CEP192: variants seen among roughly 807,000 people sequenced by gnomAD.
CEP192 encodes the protein centrosomal protein of 192 kDa.
Under a neutral mutation model 271.8 loss-of-function variants are expected in CEP192, and 151 were observed. The ratio of observed to expected loss-of-function variants is 0.56; its 90% CI spans 0.49 to 0.64. CEP192 has a LOEUF of 0.64. Among genes scored for constraint, CEP192 ranks in the 30% least tolerant of loss-of-function variants. The pLI, the probability that CEP192 is intolerant of heterozygous loss-of-function variation, is 0.00. For synonymous variants in CEP192, 995 were observed against 1,076.5 expected (o/e 0.92, Z 1.48); for missense variants, 2,910 against 3,020.5 (o/e 0.96, Z 0.86).
At chr18:13,025,775 G>A (rs2035261893) in intron 9 of CEP192, among the ~76,000 whole-genome samples, 1 of 151,810 alleles carries the variant, frequency 6.6e-6, no homozygotes, top group Admixed American at 6.6e-5. Context: ...TTACATATAA[G>A]TAAATATAAG....
chr18:13,036,702 A>T (rs2035936124), intron 11 of CEP192, among the ~76,000 whole-genome samples: 1 of 152,078 alleles, frequency 6.6e-6, no homozygotes, highest in South Asian at 2.1e-4. Context: ...CCTGAGGTTG[A>T]GTGTGCTTAG....
chr18:13,028,606 G>A (rs954305799), intron 9 of CEP192, among the ~76,000 whole-genome samples: 8 of 152,036 alleles, frequency 5.3e-5, no homozygotes, highest in Non-Finnish European at 1.0e-4. Context: ...TGCAACCTCC[G>A]CCTCCCAGGT....
Position 13,004,821 on chromosome 18 carries a change from G to T in CEP192, c.290+3239G>T, listed in dbSNP as rs377172894. On this transcript the variant is annotated intron_variant, in intron 3 of 44. Transcript: ENST00000506447. ...GCCACATTGAGCTGTAGGAGTGCAG[G>T]TGAAGAGGAGGCAGAGAATTGGATT... Among the ~76,000 whole-genome samples the T allele has an allele frequency of 3.3e-5, 5 of 152,182 alleles. No homozygotes were observed. The South Asian group carries it at 1.0e-3, about 31-fold the overall frequency.
rs1445306249 is a variant in CEP192, at chr18:13,092,508, G to A, written c.6235G>A (p.Ala2079Thr). 1.2e-6 allele frequency: 2 copies of A among 1,607,154 alleles called. No homozygotes were observed. Among genetic ancestry groups the A allele is most frequent in the Non-Finnish European group, 1.7e-6 (2 of 1,177,592 alleles). Residue 2079 changes from alanine to threonine, a missense_variant, in exon 34 of 45, where the codon GCT (alanine) becomes ACT (threonine). Physicochemically the swap from Ala to Thr is moderately conservative, Grantham distance 58. Transcript: ENST00000506447. ...AGAATTCCTTCAGCCTTCTTCCAAA[G>A]CTAGCTTGGAATCTACAAGGTAAAA... ...SREFLQPSSKASLESTSDLGA... is the reference protein window; with the variant it reads ...SREFLQPSSKTSLESTSDLGA...
chr18:13,100,116 CAA>C (rs2039635628), intron 37 of CEP192, among the ~76,000 whole-genome samples, 187 bp from the exon 38 acceptor site: 1 of 152,126 alleles, frequency 6.6e-6, no homozygotes, highest in African/African-American at 2.4e-5. Flanking sequence ...GCTTTAAAAA[CAA>C]AGGTAATGGG....
chr18:13,031,243 G>GTTTT (rs60557979), intron 11 of CEP192, among the ~76,000 whole-genome samples: 282 of 101,622 alleles, frequency 2.8e-3, no homozygotes, highest in African/African-American at 4.0e-3. Context: ...CCTTATTGTT[G>GTTTT]TTTTTTTTTT....
rs1028481498 is a variant in CEP192, at chr18:13,078,423, T to C, written c.5616+5238T>C. On this transcript the variant is annotated intron_variant, in intron 30 of 44. Transcript: ENST00000506447. ...TGCATGTGTCTTTATAGCAGCATGA[T>C]TTATAATCCTTTGGGTATATACCAA... Among the ~76,000 whole-genome samples the C allele has an allele frequency of 2.6e-5, 4 of 152,184 alleles. No individual in the cohort carries two copies. In the East Asian group the frequency reaches 7.7e-4, roughly 29 times the overall value.
chr18:13,031,468 C>T (rs899168500), intron 11 of CEP192, among the ~76,000 whole-genome samples: 3 of 151,868 alleles, frequency 2.0e-5, no homozygotes, highest in South Asian at 2.1e-4. Context: ...GGGATGGTCT[C>T]GATCTCCTGA....
intron 42 of CEP192, among the ~76,000 whole-genome samples, chr18:13,116,007 G>A (rs2040411996): frequency 6.6e-6 from 1 of 152,198 alleles, no homozygotes; most frequent in African/African-American, 2.4e-5. Flanking sequence ...TTGCCTGGAG[G>A]CCACACCTGC....
intron 40 of CEP192, among the ~76,000 whole-genome samples, chr18:13,112,586 A>G (rs2040254936): frequency 6.6e-6 from 1 of 152,170 alleles, no homozygotes; most frequent in Admixed American, 6.5e-5. Flanking sequence ...TTAGGATTTT[A>G]TAGTCCCGTA....
At chr18:12,996,163 G>A (rs2145749404) in intron 1 of CEP192, among the ~76,000 whole-genome samples, 1 of 151,640 alleles carries the variant, frequency 6.6e-6, no homozygotes, top group African/African-American at 2.4e-5. Context: ...ATTGCAGTGA[G>A]TGTCCAGGCA....
chr18:13,036,285 G>A (rs2035913369), intron 11 of CEP192, among the ~76,000 whole-genome samples: 1 of 152,156 alleles, frequency 6.6e-6, no homozygotes, highest in Admixed American at 6.5e-5. Flanking sequence ...AATATCCTGT[G>A]TCTGCTTTTC....
At position 13,109,773 on chromosome 18, in the gene CEP192, A is replaced by T. The variant is rs548556163; in HGVS notation, c.7048-3813A>T. On this transcript the variant is annotated intron_variant, in intron 40 of 44. Coordinates refer to ENST00000506447, the MANE Select transcript of CEP192 (RefSeq NM_032142.4). ...ATCTCCAAAGCTGCTTTTTTGGAAA[A>T]AATAATAATAATAGACAAACCTTTG... 7.2e-5 allele frequency among the ~76,000 whole-genome samples: 11 copies of T among 152,280 alleles called. No homozygotes were observed. The South Asian group carries it at 1.0e-3, about 14-fold the overall frequency.
chr18:13,105,569 T>C (rs1392458644), intron 40 of CEP192, among the ~76,000 whole-genome samples: 1 of 152,240 alleles, frequency 6.6e-6, no homozygotes, highest in Non-Finnish European at 1.5e-5. Context: ...TTCATTCTAA[T>C]TGCCGAAACT....
intron 17 of CEP192, among the ~76,000 whole-genome samples, chr18:13,051,474 A>G (rs1332905906): frequency 6.6e-6 from 1 of 152,146 alleles, no homozygotes; most frequent in Non-Finnish European, 1.5e-5. Flanking sequence ...GGTTAGTAAT[A>G]CTTTGTTGCT....
At chr18:13,123,470 A>G (rs2040767848) in intron 44 of CEP192, among the ~76,000 whole-genome samples, 1 of 152,116 alleles carries the variant, frequency 6.6e-6, no homozygotes, top group South Asian at 2.1e-4. Flanking sequence ...TGCCCGGTGT[A>G]CTCTTGTGCA....
Position 12,997,785 on chromosome 18 carries a change from C to T in CEP192, c.-4-1636C>T, listed in dbSNP as rs1173997619. Among the ~76,000 whole-genome samples, 4 of 152,122 alleles carry T rather than the reference C, an allele frequency of 2.6e-5. No individual in the cohort carries two copies. In the East Asian group the frequency reaches 5.8e-4, roughly 22 times the overall value. ...CATCACCCAGGCTGAAGTACAGGGG[C>T]GCAATCTCGGCTCACTGCAACCTCC... is the stretch of plus-strand genomic sequence containing the variant. On this transcript the variant is annotated intron_variant, in intron 1 of 44. Transcript: ENST00000506447.
intron 38 of CEP192, among the ~76,000 whole-genome samples, 180 bp from the exon 39 acceptor site, chr18:13,103,329 A>G (rs1305882270): frequency 6.6e-6 from 1 of 152,210 alleles, no homozygotes; most frequent in Non-Finnish European, 1.5e-5. Flanking sequence ...ATAAAACCTA[A>G]AAGAGAATAT....
intron 18 of CEP192, among the ~76,000 whole-genome samples, chr18:13,054,481 G>A (rs2036977333): frequency 6.6e-6 from 1 of 152,178 alleles, no homozygotes; most frequent in Admixed American, 6.5e-5. Flanking sequence ...CCCTTTCTTT[G>A]AAAGCTGTCT....
Sources: gnomAD v4.1 joint callset for allele counts (sites outside exome capture counted in the v4.1 genomes callset) on GRCh38, gnomAD v4.1.1 for gene constraint, MANE v1.5 for transcripts, NCBI Gene and HGNC (gene_info 2026-07-23, HGNC 2026-07-21) for gene names.